Variants in TRIP4 observed in about 807,000 individuals in gnomAD.
TRIP4 encodes the protein activating signal cointegrator 1.
In TRIP4, 54 loss-of-function variants were observed where a neutral mutation model predicts 81.8. The ratio of observed to expected loss-of-function variants is 0.66; its 90% confidence interval spans 0.53 to 0.83. TRIP4 has a LOEUF of 0.83. Ranked by LOEUF, TRIP4 falls within the 40% of genes least tolerant of loss-of-function variation. The pLI is 0.00. For synonymous variants in TRIP4, 270 were observed against 242.8 expected (o/e 1.11, Z -1.04); for missense variants, 662 against 683.6 (o/e 0.97, Z 0.35).
chr15:64,425,720 C>T, intron 11 of TRIP4, 89 bp downstream of exon 11: 1 of 963,572 alleles, frequency 1.0e-6, no homozygotes, highest in Non-Finnish European at 1.5e-6. Flanking sequence ...GGCTGGGCCT[C>T]TTAAAAGTGC....
At chr15:64,443,312 T>C (rs746241885) in intron 11 of TRIP4, among the ~76,000 whole-genome samples, 5 of 152,222 alleles carry the variant, frequency 3.3e-5, no homozygotes, top group Non-Finnish European at 7.3e-5. Flanking sequence ...AGGCAAAAAC[T>C]ATTGACATGG....
Position 64,397,764 on chromosome 15 carries a change from G to T in TRIP4, c.564G>T (p.Gly188=). The T allele has an allele frequency of 6.2e-7, 1 of 1,614,234 alleles. No individual in the cohort carries two copies. Among genetic ancestry groups the T allele is most frequent in the Non-Finnish European group, 8.5e-7 (1 of 1,180,050 alleles). The change falls in exon 4 of 13, where the codon GGG becomes GGT. Residue 188 remains glycine, a synonymous_variant. Coordinates refer to ENST00000261884, the MANE Select transcript of TRIP4 (RefSeq NM_016213.5). ...HKLINNCLIC[G]RIVCEQEGSG... Reference sequence around the variant, plus strand: ...TCATCAATAACTGTCTGATCTGTGGGCGCATTGTCTGTGAACAAGAAGGCT... The same window carrying T: ...TCATCAATAACTGTCTGATCTGTGGTCGCATTGTCTGTGAACAAGAAGGCT...
rs138113617 is a variant in TRIP4 at position 64,441,221 on chromosome 15, C to G, written c.1576-3785C>G. ...CAGTTTTAGCCAGGATGGTCTCAAT[C>G]TCCTGACCTCGTGGTCCGCCCGCTT... On this transcript the variant is annotated intron_variant, in intron 11 of 12. Transcript: ENST00000261884. Among the ~76,000 whole-genome samples, 832 of 151,998 alleles carry G rather than the reference C, an allele frequency of 5.5e-3. 8 individuals are homozygous for G. The highest frequency in any genetic ancestry group is 0.023 in the South Asian group (113 of 4,812).
At chr15:64,451,418 T>G (rs1047308732) in intron 12 of TRIP4, among the ~76,000 whole-genome samples, 1 of 150,582 alleles carries the variant, frequency 6.6e-6, no homozygotes, top group Non-Finnish European at 1.5e-5. Flanking sequence ...CCTGAAACAC[T>G]TTAATATATA....
chr15:64,442,076 A>C lies in TRIP4; in HGVS notation c.1576-2930A>C, dbSNP rs532107440. On this transcript the variant is annotated intron_variant, in intron 11 of 12. Transcript: ENST00000261884. ...GAAGTAAGAGAAGGTATCAGAGAGG[A>C]AATGGGGGGCCAGATTGTCTATGGA... Among the ~76,000 whole-genome samples the C allele has an allele frequency of 7.2e-5, 11 of 152,172 alleles. No homozygotes were observed. The East Asian group carries it at 2.1e-3, about 29-fold the overall frequency.
chr15:64,409,645 C>G lies in TRIP4; in HGVS notation c.860C>G (p.Ser287Ter), dbSNP rs758509361. 1.2e-6 allele frequency: 2 copies of G among 1,614,148 alleles called. No homozygotes were observed. The highest frequency in any genetic ancestry group is 2.2e-5 in the South Asian group (2 of 91,054). The change falls in exon 7 of 13, where the codon TCA becomes TGA. Residue 287 changes from serine to a stop codon, truncating the protein, a stop_gained. Coordinates refer to ENST00000261884, the MANE Select transcript of TRIP4 (RefSeq NM_016213.5). LOFTEE classifies it high-confidence loss of function. ...AGGACCCAAGTCATTGATGATGAGT[C>G]AGATTACTTTGCCAGTGATTCTAAC... ...IRRTQVIDDE[S>*]DYFASDSNQW...
chr15:64,397,926 A>C, intron 4 of TRIP4, 108 bp downstream of exon 4: 9 of 1,246,566 alleles, frequency 7.2e-6, no homozygotes, highest in Non-Finnish European at 8.8e-6. Context: ...GTTGAGACGG[A>C]GTCTCACTTT....
Position 64,455,163 on chromosome 15 carries a change from T to A in TRIP4, c.*99T>A. 9.4e-7 allele frequency: 1 copy of A among 1,066,332 alleles called. No individual in the cohort carries two copies. The highest frequency in any genetic ancestry group is 1.4e-6 in the Non-Finnish European group (1 of 731,796). 66.1% of individuals were successfully genotyped at this position (1,066,332 alleles called of 1,614,324 possible). ...TTGAAGTAGTAGAAACCTAAAGGCT[T>A]GGCGTCAGGCTTGAATATCTCAGAA... On this transcript the variant is annotated 3_prime_UTR_variant, in exon 13 of 13. Coordinates refer to ENST00000261884, the MANE Select transcript of TRIP4 (RefSeq NM_016213.5).
chr15:64,446,901 G>A (rs182793375), intron 12 of TRIP4, among the ~76,000 whole-genome samples: 88 of 151,614 alleles, frequency 5.8e-4, no homozygotes, highest in Non-Finnish European at 4.9e-4. Flanking sequence ...TCAGGAGATC[G>A]AGACTACCCT....
At position 64,425,640 on chromosome 15, in the gene TRIP4, A is replaced by G. The variant is rs1419026971; in HGVS notation, c.1575+9A>G. 3.7e-6 allele frequency: 6 copies of G among 1,602,376 alleles called. No homozygotes were observed. Among genetic ancestry groups the G allele is most frequent in the Non-Finnish European group, 4.3e-6 (5 of 1,174,228 alleles). ...AGCAATTTAAGGAGCAGGTGAGTAA[A>G]GAATACTTTTTTTTTTTAGAGACAG... On this transcript the variant is annotated intron_variant, in intron 11 of 12. Coordinates refer to ENST00000261884, the MANE Select transcript of TRIP4 (RefSeq NM_016213.5).
intron 12 of TRIP4, among the ~76,000 whole-genome samples, chr15:64,448,574 C>T (rs1220564819): frequency 6.6e-6 from 1 of 152,124 alleles, no homozygotes; most frequent in African/African-American, 2.4e-5. Context: ...AGTGATCCTC[C>T]CACCTCAGCC....
intron 11 of TRIP4, among the ~76,000 whole-genome samples, chr15:64,437,016 G>A (rs1429299262): frequency 6.6e-6 from 1 of 151,440 alleles, no homozygotes; most frequent in African/African-American, 2.4e-5. Context: ...CTAGGTGACC[G>A]TCTATGTCTT....
In TRIP4 at chr15:64,420,609, C is replaced by T. The variant is rs138109336; in HGVS notation, c.1358+1881C>T. ...CGTGATCTCAGCTCACTGCAAGCTC[C>T]GCCTCCCAGGTTCACACCTTTCTCC... On this transcript the variant is annotated intron_variant, in intron 9 of 12. Coordinates refer to ENST00000261884, the MANE Select transcript of TRIP4 (RefSeq NM_016213.5). Among the ~76,000 whole-genome samples, 1,430 of 151,576 alleles carry T rather than the reference C, an allele frequency of 9.4e-3. 23 individuals are homozygous for T. Among genetic ancestry groups the T allele is most frequent in the Middle Eastern group, 0.027 (8 of 294 alleles).
chr15:64,415,919 A>G (rs1891883156), intron 8 of TRIP4, among the ~76,000 whole-genome samples: 1 of 152,200 alleles, frequency 6.6e-6, no homozygotes, highest in Non-Finnish European at 1.5e-5. Context: ...TTCCATGCCT[A>G]CGTAGAGAAT....
chr15:64,451,989 C>T (rs1892776721), intron 12 of TRIP4, among the ~76,000 whole-genome samples: 2 of 147,952 alleles, frequency 1.4e-5, no homozygotes, highest in South Asian at 4.3e-4. Flanking sequence ...AGACAGGTCT[C>T]ACTCTGTTGC....
intron 11 of TRIP4, among the ~76,000 whole-genome samples, chr15:64,437,562 G>A (rs1456611869): frequency 2.0e-5 from 3 of 149,544 alleles, no homozygotes; most frequent in Non-Finnish European, 4.4e-5. Flanking sequence ...GTGCGATCTC[G>A]GCTCACTGCA....
intron 1 of TRIP4, 114 bp from the exon 2 acceptor site, chr15:64,393,832 G>A: frequency 9.5e-7 from 1 of 1,056,440 alleles, no homozygotes; most frequent in Non-Finnish European, 1.3e-6. Flanking sequence ...TTGGCTCAAA[G>A]TAAACACTCT....
At chr15:64,449,037 C>G (rs1892693782) in intron 12 of TRIP4, among the ~76,000 whole-genome samples, 1 of 151,966 alleles carries the variant, frequency 6.6e-6, no homozygotes, top group Non-Finnish European at 1.5e-5. Flanking sequence ...TAGCGAGACC[C>G]TGTCTCTACA....
At chr15:64,431,877 C>CTTTTT (rs1199638489) in intron 11 of TRIP4, among the ~76,000 whole-genome samples, 30 of 52,504 alleles carry the variant, frequency 5.7e-4, no homozygotes, top group Admixed American at 7.8e-4. Context: ...ATTGTGTTTT[C>CTTTTT]TTTTTTTTTT....
Sources: allele counts gnomAD v4.1 joint callset (sites outside exome capture counted in the v4.1 genomes callset), GRCh38; gene constraint gnomAD v4.1.1; transcripts MANE v1.5; gene names NCBI Gene and HGNC (gene_info 2026-07-23, HGNC 2026-07-21).